ST8SIA4: variants seen among roughly 807,000 people sequenced by gnomAD.
ST8SIA4 encodes CMP-N-acetylneuraminate-poly-alpha-2,8-sialyltransferase.
A neutral mutation model predicts 33.9 loss-of-function variants in ST8SIA4; 15 were observed. The ratio of observed to expected loss-of-function variants is 0.44; its 90% CI spans 0.30 to 0.68. The LOEUF (loss-of-function observed/expected upper bound fraction) is 0.68. Ranked by LOEUF, ST8SIA4 falls within the 30% of genes least tolerant of loss-of-function variation. ST8SIA4 has a pLI of 0.10. For synonymous variants in ST8SIA4, 171 were observed against 151.2 expected (o/e 1.13, Z -0.96); for missense variants, 321 against 428.0 (o/e 0.75, Z 2.21).
intron 3 of ST8SIA4, among the ~76,000 whole-genome samples, chr5:100,861,618 C>G (rs1223337288): frequency 6.6e-6 from 1 of 152,022 alleles, no homozygotes; most frequent in Non-Finnish European, 1.5e-5. Flanking sequence ...TAAATATATA[C>G]CTCATATTTA....
At chr5:100,815,771 T>C (rs1348012882) in intron 4 of ST8SIA4, among the ~76,000 whole-genome samples, 1 of 152,164 alleles carries the variant, frequency 6.6e-6, no homozygotes, top group African/African-American at 2.4e-5. Flanking sequence ...CACAGCTTTG[T>C]ATCTGTGATA....
At chr5:100,843,415 C>A (rs3822366) in intron 4 of ST8SIA4, among the ~76,000 whole-genome samples, 1 of 151,672 alleles carries the variant, frequency 6.6e-6, no homozygotes, top group African/African-American at 2.4e-5. Flanking sequence ...TTCCATTCAG[C>A]TATCAACATG....
At chr5:100,857,011 T>C (rs1751828808) in intron 3 of ST8SIA4, among the ~76,000 whole-genome samples, 1 of 152,154 alleles carries the variant, frequency 6.6e-6, no homozygotes, top group Admixed American at 6.5e-5. Context: ...TAATATGACT[T>C]TCTGGGGTTT....
chr5:100,864,694 A>G (rs1752026687), intron 3 of ST8SIA4, among the ~76,000 whole-genome samples: 1 of 151,952 alleles, frequency 6.6e-6, no homozygotes, highest in Admixed American at 6.6e-5. Flanking sequence ...TCCCACTGCC[A>G]AAGTATCTCA....
At chr5:100,816,133 T>G (rs1750910376) in intron 4 of ST8SIA4, among the ~76,000 whole-genome samples, 1 of 152,188 alleles carries the variant, frequency 6.6e-6, no homozygotes, top group Non-Finnish European at 1.5e-5. Context: ...AAATCTTCTC[T>G]CTCCGTGAAA....
intron 1 of ST8SIA4, among the ~76,000 whole-genome samples, chr5:100,899,480 C>T (rs1752852036): frequency 6.6e-6 from 1 of 152,170 alleles, no homozygotes; most frequent in Admixed American, 6.5e-5. Context: ...TTTATTTCCA[C>T]TTTCAATTTT....
At chr5:100,840,384 T>C (rs9327323) in intron 4 of ST8SIA4, among the ~76,000 whole-genome samples, 42,477 of 151,496 alleles carry the variant, frequency 0.28, 6,196 homozygotes, top group Non-Finnish European at 0.32. Flanking sequence ...ATTTTAGAGT[T>C]TTTTTTTAGG....
intron 4 of ST8SIA4, among the ~76,000 whole-genome samples, chr5:100,815,546 T>A (rs1236192748): frequency 1.3e-5 from 2 of 152,000 alleles, no homozygotes; most frequent in African/African-American, 4.8e-5. Context: ...AGAACATTTA[T>A]AACTTTTTAA....
At chr5:100,850,442 A>G (rs541040778) in intron 4 of ST8SIA4, among the ~76,000 whole-genome samples, 1 of 151,968 alleles carries the variant, frequency 6.6e-6, no homozygotes, top group East Asian at 1.9e-4. Context: ...TTAAAAAAGT[A>G]AAAATTAAAA....
chr5:100,817,610 G>C (rs1476014152), intron 4 of ST8SIA4, among the ~76,000 whole-genome samples: 1 of 152,086 alleles, frequency 6.6e-6, no homozygotes, highest in East Asian at 1.9e-4. Flanking sequence ...ATTACATAAA[G>C]CACAAACAAG....
At chr5:100,890,005 GGTTT>G (rs898069769) in intron 2 of ST8SIA4, among the ~76,000 whole-genome samples, 6 of 151,822 alleles carry the variant, frequency 4.0e-5, no homozygotes, top group Admixed American at 1.3e-4. Flanking sequence ...AGTGACTCTG[GGTTT>G]GTTTGTTTGT....
chr5:100,849,648 G>A (rs1246663478), intron 4 of ST8SIA4, among the ~76,000 whole-genome samples: 1 of 151,956 alleles, frequency 6.6e-6, no homozygotes, highest in Non-Finnish European at 1.5e-5. Context: ...AAAATTAGCC[G>A]GGCGTGGCGC....
At chr5:100,846,244 A>G (rs765274396) in intron 4 of ST8SIA4, among the ~76,000 whole-genome samples, 6 of 151,874 alleles carry the variant, frequency 4.0e-5, no homozygotes, top group Non-Finnish European at 7.4e-5. Context: ...CTCTTCCTCA[A>G]TTCTGCTTGG....
intron 4 of ST8SIA4, among the ~76,000 whole-genome samples, chr5:100,850,854 T>A (rs1471135329): frequency 6.6e-6 from 1 of 151,152 alleles, no homozygotes; most frequent in Non-Finnish European, 1.5e-5. Flanking sequence ...TGAATAAGAG[T>A]AAATATTAAC....
chr5:100,812,098 T>C lies in ST8SIA4; in HGVS notation c.829A>G (p.Arg277Gly). 1 of 1,612,198 alleles carries C rather than the reference T, an allele frequency of 6.2e-7. No homozygotes were observed. The highest frequency in any genetic ancestry group is 8.5e-7 in the Non-Finnish European group (1 of 1,179,466). ...TACATGAGAAGACCTGTGCTGGGTC[T>C]TTTGATAGGAACTTTGTTGGTCAGC... is the stretch of plus-strand genomic sequence containing the variant. ...YWLTNKVPIK[R>G]PSTGLLMYTL... Residue 277 changes from arginine to glycine, a missense_variant, in exon 5 of 5, where the codon AGA becomes GGA. By Grantham distance (125) the Arg-to-Gly change is moderately radical. Coordinates refer to ENST00000231461, the MANE Select transcript of ST8SIA4 (RefSeq NM_005668.6).
intron 4 of ST8SIA4, among the ~76,000 whole-genome samples, chr5:100,822,613 T>C (rs960339490): frequency 6.6e-6 from 1 of 152,222 alleles, no homozygotes; most frequent in Non-Finnish European, 1.5e-5. Flanking sequence ...TGAAATTTAA[T>C]ATATTATGTC....
At chr5:100,832,239 G>T (rs1751278840) in intron 4 of ST8SIA4, among the ~76,000 whole-genome samples, 1 of 151,970 alleles carries the variant, frequency 6.6e-6, no homozygotes, top group Non-Finnish European at 1.5e-5. Context: ...ATATGGGTTA[G>T]TTTTTCTTTT....
rs57222657 is a variant in ST8SIA4, at chr5:100,817,109, A to ATT, written c.798-4982_798-4981dup. Among the ~76,000 whole-genome samples, 34 of 74,364 alleles carry ATT rather than the reference A, an allele frequency of 4.6e-4. 1 individual carries two copies. The highest frequency in any genetic ancestry group is 1.7e-3 in the African/African-American group (29 of 17,066). 48.8% of individuals were successfully genotyped at this position (74,364 alleles called of 152,430 possible). A position where few individuals can be genotyped will look rare whatever the true frequency, so the allele number is the denominator to read the frequency against. On this transcript the variant is annotated intron_variant, in intron 4 of 4. Coordinates refer to ENST00000231461, the MANE Select transcript of ST8SIA4 (RefSeq NM_005668.6). The stretch of plus-strand genomic sequence containing the variant: ...AGGCGCCCACTACAACACCCAGCTA[A>ATT]TTTTTTTTTTTTTTTTTTTTTTTTT...
intron 3 of ST8SIA4, among the ~76,000 whole-genome samples, chr5:100,880,292 A>AC (rs1325130442): frequency 1.3e-5 from 2 of 152,210 alleles, no homozygotes; most frequent in Non-Finnish European, 2.9e-5. Context: ...AAATAAACAT[A>AC]CAATGCAAAA....
Sources: allele counts gnomAD v4.1 joint callset (sites outside exome capture counted in the v4.1 genomes callset), GRCh38; gene constraint gnomAD v4.1.1; transcripts MANE v1.5; gene names NCBI Gene and HGNC (gene_info 2026-07-23, HGNC 2026-07-21).